The following SRPK1 variants were observed in gnomAD, a reference collection of about 807,000 sequenced individuals.
The protein encoded by SRPK1 is SRSF protein kinase 1.
Under a neutral mutation model 89.5 loss-of-function variants are expected in SRPK1, and 52 were observed. The observed-to-expected ratio is 0.58, with a 90% confidence interval of 0.46 to 0.73. The LOEUF is 0.73. Ranked by LOEUF, SRPK1 falls within the 30% of genes least tolerant of loss-of-function variation. The pLI, the probability that SRPK1 is intolerant of heterozygous loss-of-function variation, is 0.00. For synonymous variants in SRPK1, 255 were observed against 270.2 expected (o/e 0.94, Z 0.55); for missense variants, 603 against 780.6 (o/e 0.77, Z 2.71).
intron 2 of SRPK1, among the ~76,000 whole-genome samples, chr6:35,916,892 A>AC (rs1771115796): frequency 6.6e-6 from 1 of 152,006 alleles, no homozygotes; most frequent in Non-Finnish European, 1.5e-5. Context: ...CCCTGTCTCT[A>AC]CCCCGAAAAA....
intron 3 of SRPK1, among the ~76,000 whole-genome samples, chr6:35,890,544 TAAG>T (rs1770497399): frequency 6.6e-6 from 1 of 152,196 alleles, no homozygotes; most frequent in Non-Finnish European, 1.5e-5. Context: ...AAAAAAGTGG[TAAG>T]AAGGTATTTT....
At chr6:35,875,337 C>T (rs1247487197) in intron 6 of SRPK1, among the ~76,000 whole-genome samples, 1 of 151,028 alleles carries the variant, frequency 6.6e-6, no homozygotes, top group Non-Finnish European at 1.5e-5. Context: ...CTCACTGCAA[C>T]CTCTGCCTCT....
Position 35,870,497 on chromosome 6 carries a change from G to A in SRPK1, c.778-3C>T. On this transcript the variant is annotated splice_polypyrimidine_tract_variant and splice_region_variant and intron_variant, in intron 9 of 15. Coordinates refer to ENST00000373825, the MANE Select transcript of SRPK1 (RefSeq NM_003137.5). ...TTATTCTTTGACATTTTGTCAGCCT[G>A]GGCGGAGATTACAAACAGATAAAGC... is the stretch of plus-strand genomic sequence containing the variant. 1 of 1,550,114 alleles carries A rather than the reference G, an allele frequency of 6.5e-7. No individual in the cohort carries two copies. The highest frequency in any genetic ancestry group is 8.7e-7 in the Non-Finnish European group (1 of 1,146,878).
At chr6:35,849,992 T>C (rs1170387697) in intron 13 of SRPK1, among the ~76,000 whole-genome samples, 2 of 152,102 alleles carry the variant, frequency 1.3e-5, no homozygotes, top group African/African-American at 2.4e-5. Flanking sequence ...CTCACTTATA[T>C]GTGAAATCTA....
At chr6:35,857,502 A>G (rs1020334203) in intron 12 of SRPK1, 134 bp from the exon 13 acceptor site, 1 of 684,424 alleles carries the variant, frequency 1.5e-6, no homozygotes, top group Non-Finnish European at 2.5e-6. Flanking sequence ...CTTATTTCTT[A>G]AACAGCATTT....
chr6:35,888,306 A>G (rs142301642), intron 4 of SRPK1, among the ~76,000 whole-genome samples, 195 bp from the exon 5 acceptor site: 157 of 152,330 alleles, frequency 1.0e-3, no homozygotes, highest in African/African-American at 3.6e-3. Flanking sequence ...AGGAAGAATA[A>G]AAAATCTGTT....
At chr6:35,858,968 T>C (rs1261608130) in intron 12 of SRPK1, among the ~76,000 whole-genome samples, 2 of 152,142 alleles carry the variant, frequency 1.3e-5, no homozygotes, top group Non-Finnish European at 2.9e-5. Context: ...TAAAGTGTAT[T>C]TACAACACTG....
intron 6 of SRPK1, among the ~76,000 whole-genome samples, chr6:35,885,810 G>A (rs930086592): frequency 2.6e-5 from 4 of 152,208 alleles, no homozygotes; most frequent in South Asian, 4.2e-4. Context: ...CTCACCGCAC[G>A]TCACTTTGAT....
At chr6:35,891,463 T>C (rs762788576) in intron 2 of SRPK1, among the ~76,000 whole-genome samples, 2 of 152,206 alleles carry the variant, frequency 1.3e-5, no homozygotes, top group African/African-American at 4.8e-5. Context: ...CTCACATCTG[T>C]AATCCCAGCA....
At chr6:35,897,458 C>A (rs1266745907) in intron 2 of SRPK1, among the ~76,000 whole-genome samples, 1 of 152,146 alleles carries the variant, frequency 6.6e-6, no homozygotes, top group Non-Finnish European at 1.5e-5. Flanking sequence ...AGGAAGTAGA[C>A]CTATGTCTAG....
intron 13 of SRPK1, among the ~76,000 whole-genome samples, chr6:35,849,988 T>C (rs1327324857): frequency 1.3e-5 from 2 of 152,162 alleles, no homozygotes; most frequent in Non-Finnish European, 2.9e-5. Context: ...CACTCTCACT[T>C]ATATGTGAAA....
At chr6:35,849,089 T>C (rs986766601) in intron 13 of SRPK1, among the ~76,000 whole-genome samples, 1 of 152,134 alleles carries the variant, frequency 6.6e-6, no homozygotes, top group Non-Finnish European at 1.5e-5. Context: ...TGCTATACAT[T>C]TGATAGGGGT....
chr6:35,914,816 T>G (rs80288198), intron 2 of SRPK1, among the ~76,000 whole-genome samples: 2 of 152,032 alleles, frequency 1.3e-5, no homozygotes, highest in Admixed American at 1.3e-4. Flanking sequence ...TTTTTTTTTT[T>G]GAAACGGAAC....
chr6:35,921,098 C>T lies in SRPK1; in HGVS notation c.-42G>A. 6.8e-7 allele frequency: 1 copy of T among 1,460,892 alleles called. No homozygotes were observed. The highest frequency in any genetic ancestry group is 1.3e-5 in the South Asian group (1 of 75,878). 90.5% of individuals were successfully genotyped at this position (1,460,892 alleles called of 1,614,324 possible). On this transcript the variant is annotated 5_prime_UTR_variant, in exon 1 of 16. Coordinates refer to ENST00000373825, the MANE Select transcript of SRPK1 (RefSeq NM_003137.5). ...GCCAGGCGCCTGCGCACTCGAGTGGCGGCGACTCCCGCTCCCGCCGCGGCC... is the reference window on the plus strand; with the variant it reads ...GCCAGGCGCCTGCGCACTCGAGTGGTGGCGACTCCCGCTCCCGCCGCGGCC...
intron 2 of SRPK1, among the ~76,000 whole-genome samples, chr6:35,918,628 G>A (rs73729622): frequency 0.02 from 3,017 of 152,234 alleles, 102 homozygotes; most frequent in African/African-American, 0.068. Flanking sequence ...GTTCATTCAC[G>A]CATATTTTCA....
chr6:35,867,993 T>C (rs543201593), intron 12 of SRPK1, among the ~76,000 whole-genome samples: 28 of 152,046 alleles, frequency 1.8e-4, no homozygotes, highest in Non-Finnish European at 3.1e-4. Context: ...TTTTTTGAGA[T>C]GGGAGTTTCA....
At position 35,886,741 on chromosome 6, in the gene SRPK1, G is replaced by A. The variant is rs1263754040; in HGVS notation, c.461C>T (p.Ser154Leu). 6.3e-7 allele frequency: 1 copy of A among 1,598,516 alleles called. No individual in the cohort carries two copies. Among genetic ancestry groups the A allele is most frequent in the Non-Finnish European group, 8.6e-7 (1 of 1,166,324 alleles). The change falls in exon 6 of 16, where the codon TCA becomes TTA. Residue 154 changes from serine to leucine, a missense_variant. Coordinates refer to ENST00000373825, the MANE Select transcript of SRPK1 (RefSeq NM_003137.5). The part of the protein sequence containing the change: ...VVQLLDDFKI[S>L]GVNGTHICMV... The stretch of plus-strand genomic sequence containing the variant: ...AAGGATACGTGTTCCATTAACTCCT[G>A]ATATTTTAAAGTCATCTAGTAGTTG...
At chr6:35,915,999 C>T (rs11752524) in intron 2 of SRPK1, among the ~76,000 whole-genome samples, 5,246 of 15,926 alleles carry the variant, frequency 0.33, 297 homozygotes, top group Middle Eastern at 0.36. Flanking sequence ...AAAATATATA[C>T]ACACACACAC....
intron 1 of SRPK1, 114 bp downstream of exon 1, chr6:35,920,930 G>C: frequency 8.0e-7 from 1 of 1,242,410 alleles, no homozygotes; most frequent in Non-Finnish European, 1.1e-6. Flanking sequence ...TCAGTGGAGG[G>C]GCGCCGCACG....
Sources: allele counts gnomAD v4.1 joint callset (sites outside exome capture counted in the v4.1 genomes callset), GRCh38; gene constraint gnomAD v4.1.1; transcripts MANE v1.5; gene names NCBI Gene and HGNC (gene_info 2026-07-23, HGNC 2026-07-21).